Variants in PHACTR3 observed in about 807,000 individuals in gnomAD.
The protein encoded by PHACTR3 is protein phosphatase 1, regulatory subunit 123.
A neutral mutation model predicts 66.8 loss-of-function variants in PHACTR3; 16 were observed. That is an observed-to-expected ratio of 0.24 (90% CI 0.16 to 0.36). PHACTR3 has a LOEUF of 0.36. Among genes scored for constraint, PHACTR3 ranks in the 10% least tolerant of loss-of-function variants. The pLI, the probability that PHACTR3 is intolerant of heterozygous loss-of-function variation, is 1.00. For synonymous variants in PHACTR3, 323 were observed against 292.1 expected (o/e 1.11, Z -1.08); for missense variants, 647 against 719.9 (o/e 0.90, Z 1.16).
In PHACTR3 at chr20:59,755,184, G is replaced by T; in HGVS notation, c.361G>T (p.Ala121Ser). 6.2e-7 allele frequency: 1 copy of T among 1,611,684 alleles called. No individual in the cohort carries two copies. The highest frequency in any genetic ancestry group is 8.5e-7 in the Non-Finnish European group (1 of 1,179,762). Reference protein sequence around the residue: ...KGLLEMMEQDAESKTCNPDGG... With the variant: ...KGLLEMMEQDSESKTCNPDGG... ...CTGACAGCTACATTTCCTTGTAGAT[G>T]CTGAAAGCAAAACTTGCAACCCCGA... The change falls in exon 4 of 13, where the codon GCT (alanine) becomes TCT (serine). Residue 121 changes from alanine (A) to serine (S), a missense_variant and splice_region_variant. Ala to Ser is a moderately conservative substitution (Grantham distance 99, BLOSUM62 1). Transcript: ENST00000371015.
At chr20:59,792,880 A>ATTTAT (rs1057053727) in intron 7 of PHACTR3, among the ~76,000 whole-genome samples, 11 of 151,782 alleles carry the variant, frequency 7.2e-5, no homozygotes, top group African/African-American at 2.7e-4. Flanking sequence ...TAGTATATCT[A>ATTTAT]TTTATTTTAT....
At chr20:59,837,341 C>G (rs1425315428) in intron 9 of PHACTR3, among the ~76,000 whole-genome samples, 1 of 151,994 alleles carries the variant, frequency 6.6e-6, no homozygotes, top group Non-Finnish European at 1.5e-5. Flanking sequence ...AGTTTGTTTT[C>G]TTATTTGTGA....
intron 7 of PHACTR3, among the ~76,000 whole-genome samples, chr20:59,779,849 G>A (rs538789005): frequency 6.6e-6 from 1 of 152,360 alleles, no homozygotes; most frequent in Admixed American, 6.5e-5. Flanking sequence ...CCTGGTCAGC[G>A]GTGGGTGAGC....
intron 1 of PHACTR3, among the ~76,000 whole-genome samples, chr20:59,586,699 G>A (rs1359671548): frequency 6.6e-6 from 1 of 152,180 alleles, no homozygotes; most frequent in Non-Finnish European, 1.5e-5. Flanking sequence ...GTGGGGGATT[G>A]GAGAGGAGCC....
At chr20:59,633,150 C>A (rs549668951) in intron 1 of PHACTR3, among the ~76,000 whole-genome samples, 1 of 152,098 alleles carries the variant, frequency 6.6e-6, no homozygotes, top group Non-Finnish European at 1.5e-5. Flanking sequence ...AGGCTTTTCT[C>A]GTGAAAGTAG....
At chr20:59,699,173 G>A (rs2037403742) in intron 1 of PHACTR3, among the ~76,000 whole-genome samples, 1 of 152,172 alleles carries the variant, frequency 6.6e-6, no homozygotes, top group Admixed American at 6.5e-5. Context: ...ATTGGTGACT[G>A]CCGTTATCTG....
At chr20:59,658,885 G>T (rs955468792) in intron 1 of PHACTR3, among the ~76,000 whole-genome samples, 15 of 151,348 alleles carry the variant, frequency 9.9e-5, no homozygotes, top group African/African-American at 3.6e-4. Flanking sequence ...AAACTATCTG[G>T]CCTACAATTT....
chr20:59,791,131 G>A (rs2041080425), intron 7 of PHACTR3, among the ~76,000 whole-genome samples: 1 of 152,128 alleles, frequency 6.6e-6, no homozygotes. Flanking sequence ...CATTATAACA[G>A]TATTAAGAGG....
intron 1 of PHACTR3, among the ~76,000 whole-genome samples, chr20:59,715,253 A>G (rs1020336847): frequency 6.6e-6 from 1 of 152,196 alleles, no homozygotes; most frequent in Non-Finnish European, 1.5e-5. Context: ...ATGGGTTTGC[A>G]ATAGATTTTT....
chr20:59,647,603 C>T (rs1264609962), intron 1 of PHACTR3, among the ~76,000 whole-genome samples: 1 of 152,174 alleles, frequency 6.6e-6, no homozygotes, highest in Non-Finnish European at 1.5e-5. Flanking sequence ...CTGTTGATCC[C>T]TTTCCATCTC....
At chr20:59,714,675 T>G (rs1383420390) in intron 1 of PHACTR3, among the ~76,000 whole-genome samples, 1 of 152,208 alleles carries the variant, frequency 6.6e-6, no homozygotes, top group Non-Finnish European at 1.5e-5. Context: ...GTTCTAGACA[T>G]TTCTATATAA....
chr20:59,824,040 G>C (rs573319343), intron 8 of PHACTR3, among the ~76,000 whole-genome samples: 1 of 152,310 alleles, frequency 6.6e-6, no homozygotes, highest in African/African-American at 2.4e-5. Context: ...AGCCACTGAA[G>C]GATTTCTGCT....
intron 1 of PHACTR3, among the ~76,000 whole-genome samples, chr20:59,659,883 G>A (rs1358982135): frequency 6.6e-6 from 1 of 152,148 alleles, no homozygotes; most frequent in Non-Finnish European, 1.5e-5. Flanking sequence ...GTCACAGAGA[G>A]CTACGTTTGT....
intron 12 of PHACTR3, 39 bp from the exon 13 acceptor site, chr20:59,847,076 G>C: frequency 7.0e-7 from 1 of 1,423,312 alleles, no homozygotes; most frequent in Non-Finnish European, 9.8e-7. Context: ...TGCTAGAAAT[G>C]AATAACCTTA....
At chr20:59,580,047 A>C (rs2032816238) in intron 1 of PHACTR3, among the ~76,000 whole-genome samples, 1 of 151,890 alleles carries the variant, frequency 6.6e-6, no homozygotes. Context: ...CTGAGTCTGG[A>C]GCTTGGGGCG....
intron 1 of PHACTR3, among the ~76,000 whole-genome samples, chr20:59,741,754 C>CTTTTTTTTTTTTT (rs5842281): frequency 7.2e-6 from 1 of 139,398 alleles, no homozygotes; most frequent in Admixed American, 7.1e-5. Context: ...TTCTTTCTTT[C>CTTTTTTTTTTTTT]TTTTTTTTTT....
chr20:59,662,693 G>A (rs1215412185), intron 1 of PHACTR3, among the ~76,000 whole-genome samples: 4 of 152,098 alleles, frequency 2.6e-5, no homozygotes, highest in Non-Finnish European at 5.9e-5. Flanking sequence ...AGGAAAAGGG[G>A]CTGGAGGGGG....
At chr20:59,659,524 C>T (rs1207483946) in intron 1 of PHACTR3, among the ~76,000 whole-genome samples, 2 of 152,066 alleles carry the variant, frequency 1.3e-5, no homozygotes, top group Non-Finnish European at 2.9e-5. Context: ...AGGCACGCAC[C>T]ACCATGCCCA....
intron 1 of PHACTR3, among the ~76,000 whole-genome samples, chr20:59,629,199 C>T (rs889145085): frequency 1.9e-4 from 29 of 152,244 alleles, no homozygotes; most frequent in Non-Finnish European, 8.8e-5. Context: ...GGATGCCCAC[C>T]TGCTTCCTTT....
Sources: gnomAD v4.1 joint callset for allele counts (sites outside exome capture counted in the v4.1 genomes callset) on GRCh38, gnomAD v4.1.1 for gene constraint, MANE v1.5 for transcripts, NCBI Gene and HGNC (gene_info 2026-07-23, HGNC 2026-07-21) for gene names.